The following KCNN2 variants were observed in gnomAD, a reference collection of about 807,000 sequenced individuals.
KCNN2 encodes the protein small conductance calcium-activated potassium channel protein 2.
KCNN2 carries 24 observed loss-of-function variants against 55.5 expected under a neutral mutation model. The observed-to-expected ratio is 0.43, with a 90% CI of 0.31 to 0.61. KCNN2 has a LOEUF of 0.61. Ranked by LOEUF, KCNN2 falls within the 20% of genes least tolerant of loss-of-function variation. The pLI, the probability that KCNN2 is intolerant of heterozygous loss-of-function variation, is 0.08. For missense variants in KCNN2, 754 were observed against 853.6 expected, an observed-to-expected ratio of 0.88 and a Z score of 1.45; for synonymous variants, 431 against 336.1, an observed-to-expected ratio of 1.28 and a Z score of -3.09.
At chr5:114,325,054 T>C (rs1458683634) in intron 2 of KCNN2, among the ~76,000 whole-genome samples, 1 of 152,194 alleles carries the variant, frequency 6.6e-6, no homozygotes, top group East Asian at 1.9e-4. Flanking sequence ...ATTGTTCATA[T>C]ATAGTGTCAG....
intron 1 of KCNN2, among the ~76,000 whole-genome samples, chr5:114,102,237 A>C (rs756346946): frequency 2.0e-5 from 3 of 151,782 alleles, no homozygotes; most frequent in Admixed American, 1.3e-4. Flanking sequence ...TCTTCTTTTG[A>C]AAAGTGTCTG....
chr5:114,378,433 G>A (rs1055210220), intron 2 of KCNN2, among the ~76,000 whole-genome samples: 4 of 152,198 alleles, frequency 2.6e-5, no homozygotes, highest in Non-Finnish European at 2.9e-5. Flanking sequence ...TGTTTTATTC[G>A]CTCTGATTTT....
intron 2 of KCNN2, among the ~76,000 whole-genome samples, chr5:114,381,246 G>A (rs1397620548): frequency 6.6e-6 from 1 of 152,158 alleles, no homozygotes; most frequent in Non-Finnish European, 1.5e-5. Context: ...CACTAGTTGT[G>A]TTGTCTGACT....
intron 1 of KCNN2, among the ~76,000 whole-genome samples, chr5:114,198,325 CATATAT>C (rs55707223): frequency 1.4e-5 from 2 of 146,708 alleles, no homozygotes; most frequent in Non-Finnish European, 3.0e-5. Flanking sequence ...GCACCAACCT[CATATAT>C]ATATATATAT....
chr5:114,184,800 T>G (rs1187211691), intron 1 of KCNN2, among the ~76,000 whole-genome samples: 1 of 152,184 alleles, frequency 6.6e-6, no homozygotes, highest in African/African-American at 2.4e-5. Context: ...GTAAACAATA[T>G]TTCTGAGGTT....
At chr5:114,234,033 T>C (rs114879175) in intron 2 of KCNN2, among the ~76,000 whole-genome samples, 4,545 of 152,152 alleles carry the variant, frequency 0.03, 234 homozygotes, top group African/African-American at 0.1. Context: ...TAGCTTTTTT[T>C]TTTTGGTTAG....
intron 2 of KCNN2, among the ~76,000 whole-genome samples, chr5:114,301,712 T>C (rs1756165013): frequency 6.6e-6 from 1 of 152,162 alleles, no homozygotes; most frequent in African/African-American, 2.4e-5. Context: ...GGTAGCCTTT[T>C]GGCTGAGGAG....
chr5:114,437,049 G>T (rs1244756379), intron 3 of KCNN2, among the ~76,000 whole-genome samples: 1 of 152,088 alleles, frequency 6.6e-6, no homozygotes, highest in Non-Finnish European at 1.5e-5. Flanking sequence ...GTTTGTGTGT[G>T]TGTGTTTGTG....
intron 2 of KCNN2, among the ~76,000 whole-genome samples, chr5:114,385,484 G>T: frequency 6.7e-6 from 1 of 148,998 alleles, no homozygotes; most frequent in African/African-American, 2.5e-5. Flanking sequence ...CATTCCTTCA[G>T]CCTCATTGTT....
intron 1 of KCNN2, among the ~76,000 whole-genome samples, chr5:114,117,624 T>TG (rs1751731508): frequency 6.6e-6 from 1 of 152,184 alleles, no homozygotes; most frequent in Non-Finnish European, 1.5e-5. Context: ...TCAAGAGGCC[T>TG]GGGGGAAATA....
At chr5:114,437,949 T>C (rs1760065720) in intron 3 of KCNN2, among the ~76,000 whole-genome samples, 3 of 152,326 alleles carry the variant, frequency 2.0e-5, no homozygotes, top group Admixed American at 2.0e-4. Context: ...CAGAAAATTA[T>C]CATCCAGTTC....
chr5:114,070,302 C>A (rs1750541620), intron 1 of KCNN2, among the ~76,000 whole-genome samples: 1 of 152,246 alleles, frequency 6.6e-6, no homozygotes, highest in Non-Finnish European at 1.5e-5. Context: ...GGCAGGACCC[C>A]TGCTGCTCCC....
At chr5:114,234,365 A>G (rs976092830) in intron 2 of KCNN2, among the ~76,000 whole-genome samples, 24 of 152,214 alleles carry the variant, frequency 1.6e-4, no homozygotes, top group African/African-American at 5.5e-4. Flanking sequence ...TTCTTCTCAG[A>G]TGCAGGTTGG....
chr5:114,433,712 C>G (rs1759888643), intron 3 of KCNN2: 2 of 152,706 alleles, frequency 1.3e-5, no homozygotes, highest in South Asian at 4.2e-4. Context: ...AGATGCACCG[C>G]CTTAAGAGCT....
chr5:114,161,613 A>C (rs898005666), intron 1 of KCNN2, among the ~76,000 whole-genome samples: 1 of 152,106 alleles, frequency 6.6e-6, no homozygotes, highest in Non-Finnish European at 1.5e-5. Context: ...ACTTGATTGC[A>C]TTCTCCCCAT....
intron 1 of KCNN2, among the ~76,000 whole-genome samples, chr5:114,138,184 C>G (rs1037331762): frequency 6.6e-6 from 1 of 152,060 alleles, no homozygotes; most frequent in Admixed American, 6.6e-5. Context: ...AGTGAAAGTT[C>G]TGTTGTTAAA....
At chr5:114,290,024 T>G (rs1561557158) in intron 2 of KCNN2, among the ~76,000 whole-genome samples, 1 of 152,196 alleles carries the variant, frequency 6.6e-6, no homozygotes, top group East Asian at 1.9e-4. Context: ...CCCTGCAACT[T>G]TGCTGAATTA....
At chr5:114,457,023 G>A (rs530716529) in intron 3 of KCNN2, among the ~76,000 whole-genome samples, 86 of 152,326 alleles carry the variant, frequency 5.6e-4, no homozygotes, top group African/African-American at 1.9e-3. Context: ...AGTTGATAAA[G>A]CTGTGTCACG....
At chr5:114,282,436 A>G (rs796253186) in intron 2 of KCNN2, among the ~76,000 whole-genome samples, 12 of 152,282 alleles carry the variant, frequency 7.9e-5, no homozygotes, top group African/African-American at 2.9e-4. Context: ...GCTAGACATT[A>G]TGAATGTCTT....
Sources: allele counts gnomAD v4.1 joint callset (sites outside exome capture counted in the v4.1 genomes callset), GRCh38; gene constraint gnomAD v4.1.1; transcripts MANE v1.5; gene names NCBI Gene and HGNC (gene_info 2026-07-23, HGNC 2026-07-21).